ARL15: variants seen among roughly 807,000 people sequenced by gnomAD.
ARL15 encodes ARF like GTPase 15.
In ARL15, 19 loss-of-function variants were observed where a neutral mutation model predicts 25.2. The observed-to-expected ratio is 0.75, with a 90% confidence interval of 0.53 to 1.10. ARL15 has a LOEUF of 1.10. Ranked by LOEUF, ARL15 falls within the 50% of genes least tolerant of loss-of-function variation. The pLI, the probability that ARL15 is intolerant of heterozygous loss-of-function variation, is 0.00. For missense variants in ARL15, 220 were observed against 246.0 expected, an observed-to-expected ratio of 0.89 and a Z score of 0.71; for synonymous variants, 94 against 86.8, an observed-to-expected ratio of 1.08 and a Z score of -0.46.
At chr5:54,290,808 A>C (rs1758302742) in intron 1 of ARL15, among the ~76,000 whole-genome samples, 1 of 152,182 alleles carries the variant, frequency 6.6e-6, no homozygotes, top group Non-Finnish European at 1.5e-5. Flanking sequence ...ATATAATTAA[A>C]TGAACACAAC....
intron 4 of ARL15, among the ~76,000 whole-genome samples, chr5:54,029,333 T>TACCACCACTACC (rs1749893501): frequency 1.1e-5 from 1 of 94,664 alleles, no homozygotes; most frequent in Non-Finnish European, 2.1e-5. Context: ...CCACCACCAC[T>TACCACCACTACC]ACCACCACCA....
At chr5:54,167,190 A>C (rs1407961268) in intron 2 of ARL15, among the ~76,000 whole-genome samples, 1 of 152,156 alleles carries the variant, frequency 6.6e-6, no homozygotes, top group Non-Finnish European at 1.5e-5. Context: ...GGCCTTGGGA[A>C]GTTTCCTCAC....
chr5:53,995,230 C>A (rs1748629538), intron 4 of ARL15, among the ~76,000 whole-genome samples: 1 of 149,286 alleles, frequency 6.7e-6, no homozygotes, highest in Non-Finnish European at 1.5e-5. Context: ...ATTGCTTGAA[C>A]CCGGGAAGTG....
intron 4 of ARL15, among the ~76,000 whole-genome samples, chr5:53,957,675 T>A (rs1747203782): frequency 6.6e-6 from 1 of 151,740 alleles, no homozygotes; most frequent in Admixed American, 6.6e-5. Context: ...AATACAAAAA[T>A]TAGCTGGGTA....
chr5:54,168,688 A>G (rs1395544953), intron 2 of ARL15, among the ~76,000 whole-genome samples: 1 of 152,104 alleles, frequency 6.6e-6, no homozygotes, highest in East Asian at 1.9e-4. Flanking sequence ...TATGCTTTCT[A>G]TCCCTAACTC....
chr5:54,121,443 A>G lies in ARL15; in HGVS notation c.254-8033T>C, dbSNP rs182883548. Among the ~76,000 whole-genome samples, 377 of 152,304 alleles carry G rather than the reference A, an allele frequency of 2.5e-3. 2 individuals carry two copies. The highest frequency in any genetic ancestry group is 8.2e-3 in the Admixed American group (126 of 15,298). On this transcript the variant is annotated intron_variant, in intron 3 of 4. Coordinates refer to ENST00000504924, the MANE Select transcript of ARL15 (RefSeq NM_019087.3). ...AAGCATAAAATAGTGAATGGCAAAG[A>G]AAAAGTCTAGATTTCAGGGAGGTGA...
intron 1 of ARL15, among the ~76,000 whole-genome samples, chr5:54,220,929 T>G (rs1044356169): frequency 2.6e-5 from 4 of 152,126 alleles, no homozygotes; most frequent in African/African-American, 9.7e-5. Flanking sequence ...TGTGTCTTTT[T>G]TTTTTCCCTT....
chr5:53,933,972 G>T (rs1746277650), intron 4 of ARL15, among the ~76,000 whole-genome samples: 1 of 152,098 alleles, frequency 6.6e-6, no homozygotes, highest in Non-Finnish European at 1.5e-5. Flanking sequence ...GTCACTATTG[G>T]TAAAATAATT....
Position 53,946,902 on chromosome 5 carries a change from T to C in ARL15, c.463-60189A>G, listed in dbSNP as rs115041243. ...AGGAGAAGAAAAGGGAAATGAGTCA[T>C]AATCAAGCAAAGCTAATTAATTACA... On this transcript the variant is annotated intron_variant, in intron 4 of 4. Coordinates refer to ENST00000504924, the MANE Select transcript of ARL15 (RefSeq NM_019087.3). Among the ~76,000 whole-genome samples the C allele has an allele frequency of 9.0e-3, 1,373 of 152,306 alleles. 24 individuals carry two copies. The highest frequency in any genetic ancestry group is 0.031 in the African/African-American group (1,280 of 41,566).
At chr5:54,161,998 T>TACACACACACACACAC (rs3839223) in intron 2 of ARL15, among the ~76,000 whole-genome samples, 1 of 144,566 alleles carries the variant, frequency 6.9e-6, no homozygotes, top group African/African-American at 2.5e-5. Context: ...CACACACACA[T>TACACACACACACACAC]ACACACACAC....
At chr5:54,086,381 G>A (rs1031979424) in intron 4 of ARL15, among the ~76,000 whole-genome samples, 2 of 151,746 alleles carry the variant, frequency 1.3e-5, no homozygotes, top group East Asian at 3.9e-4. Context: ...CCTGCTCATA[G>A]GAACTTTAGG....
intron 1 of ARL15, among the ~76,000 whole-genome samples, chr5:54,268,857 G>T (rs1757700387): frequency 6.6e-6 from 1 of 152,184 alleles, no homozygotes. Context: ...TTAAGAAAAT[G>T]TGGCACATAT....
chr5:54,164,471 G>A (rs1460931272), intron 2 of ARL15, among the ~76,000 whole-genome samples: 1 of 151,998 alleles, frequency 6.6e-6, no homozygotes, highest in Admixed American at 6.5e-5. Flanking sequence ...TGACGTCGCT[G>A]ATTGTAATTG....
At chr5:54,186,737 T>C (rs1755251365) in intron 1 of ARL15, among the ~76,000 whole-genome samples, 2 of 152,164 alleles carry the variant, frequency 1.3e-5, no homozygotes, top group South Asian at 4.1e-4. Context: ...TTAAATTATG[T>C]TTCTTGAATT....
intron 4 of ARL15, among the ~76,000 whole-genome samples, chr5:54,076,261 GA>G (rs955395530): frequency 2.2e-4 from 33 of 149,288 alleles, no homozygotes; most frequent in Middle Eastern, 3.5e-3. Context: ...CTAAAAACAT[GA>G]AAAAAAAAAT....
chr5:54,283,700 G>C (rs1199137471), intron 1 of ARL15, among the ~76,000 whole-genome samples: 1 of 152,162 alleles, frequency 6.6e-6, no homozygotes, highest in Non-Finnish European at 1.5e-5. Context: ...TAACATAATA[G>C]TGAATGACTG....
At chr5:54,263,134 T>TCA (rs200882332) in intron 1 of ARL15, among the ~76,000 whole-genome samples, 2,163 of 151,306 alleles carry the variant, frequency 0.014, 15 homozygotes, top group Middle Eastern at 0.031. Flanking sequence ...GCACAATATT[T>TCA]TAGTTTTTTT....
intron 4 of ARL15, among the ~76,000 whole-genome samples, chr5:54,097,853 G>C (rs746368727): frequency 1.3e-5 from 2 of 152,166 alleles, no homozygotes; most frequent in African/African-American, 2.4e-5. Flanking sequence ...GTGTATACAT[G>C]CACACACAGA....
intron 3 of ARL15, among the ~76,000 whole-genome samples, chr5:54,144,252 T>C (rs1753848225): frequency 6.6e-6 from 1 of 152,108 alleles, no homozygotes; most frequent in South Asian, 2.1e-4. Flanking sequence ...CTTTGATAAT[T>C]TTGTCCTTTC....
Sources: gnomAD v4.1 joint callset for allele counts (sites outside exome capture counted in the v4.1 genomes callset) on GRCh38, gnomAD v4.1.1 for gene constraint, MANE v1.5 for transcripts, NCBI Gene and HGNC (gene_info 2026-07-23, HGNC 2026-07-21) for gene names.